The following NME7 variants were observed in gnomAD, a reference collection of about 807,000 sequenced individuals.
NME7 encodes NME/NM23 family member 7.
A neutral mutation model predicts 49.1 loss-of-function variants in NME7; 41 were observed. The observed-to-expected ratio is 0.83, with a 90% CI of 0.65 to 1.08. The LOEUF is 1.08. Among genes scored for constraint, NME7 ranks in the 50% least tolerant of loss-of-function variants. The pLI, the probability that NME7 is intolerant of heterozygous loss-of-function variation, is 0.00. For missense variants in NME7, 423 were observed against 463.4 expected (o/e 0.91, Z 0.80); for synonymous variants, 139 against 150.6 (o/e 0.92, Z 0.56).
At chr1:169,206,369 AT>A (rs748048701) in intron 10 of NME7, among the ~76,000 whole-genome samples, 3 of 152,172 alleles carry the variant, frequency 2.0e-5, no homozygotes, top group Non-Finnish European at 4.4e-5. Context: ...CTGAAAAAGA[AT>A]GGATGGCTAC....
At chr1:169,219,758 A>C (rs1661085632) in intron 10 of NME7, among the ~76,000 whole-genome samples, 1 of 152,160 alleles carries the variant, frequency 6.6e-6, no homozygotes, top group Non-Finnish European at 1.5e-5. Context: ...GAGCTTCTTA[A>C]GGGTCTCAAC....
chr1:169,240,493 T>C (rs542102430), intron 7 of NME7, among the ~76,000 whole-genome samples: 1 of 152,212 alleles, frequency 6.6e-6, no homozygotes, highest in African/African-American at 2.4e-5. Context: ...TTTCCTTTAC[T>C]TGATAAGTGG....
chr1:169,273,472 T>C (rs1223809846), intron 7 of NME7, among the ~76,000 whole-genome samples: 1 of 132,082 alleles, frequency 7.6e-6, no homozygotes, highest in Non-Finnish European at 1.8e-5. Flanking sequence ...TTTTTTTTTA[T>C]TATTATACTT....
At chr1:169,192,643 C>A (rs1170861854) in intron 10 of NME7, among the ~76,000 whole-genome samples, 1 of 152,100 alleles carries the variant, frequency 6.6e-6, no homozygotes, top group East Asian at 1.9e-4. Context: ...CCCTCCTTTG[C>A]ATAAGTTTAC....
intron 11 of NME7, among the ~76,000 whole-genome samples, chr1:169,143,145 T>C (rs1658648261): frequency 6.6e-6 from 1 of 152,134 alleles, no homozygotes; most frequent in Non-Finnish European, 1.5e-5. Context: ...ACTATAAACC[T>C]GATTATGTCA....
intron 7 of NME7, among the ~76,000 whole-genome samples, chr1:169,254,314 T>G (rs1490969466): frequency 6.6e-6 from 1 of 152,106 alleles, no homozygotes; most frequent in Non-Finnish European, 1.5e-5. Flanking sequence ...GTCGAGGAAT[T>G]TATCCATTTC....
intron 7 of NME7, among the ~76,000 whole-genome samples, chr1:169,278,790 G>T (rs377375401): frequency 2.6e-5 from 4 of 151,948 alleles, no homozygotes; most frequent in Non-Finnish European, 5.9e-5. Context: ...TTTTTCTGCT[G>T]TGTTTTTTCC....
intron 10 of NME7, among the ~76,000 whole-genome samples, chr1:169,177,946 C>G (rs1158072005): frequency 6.6e-6 from 1 of 152,076 alleles, no homozygotes; most frequent in East Asian, 1.9e-4. Context: ...ACACCATTCT[C>G]CTGCCTCAGC....
chr1:169,199,175 C>T (rs527718199), intron 10 of NME7, among the ~76,000 whole-genome samples: 3 of 152,030 alleles, frequency 2.0e-5, no homozygotes, highest in Admixed American at 2.0e-4. Context: ...TGCAGAGTAT[C>T]ATTAAATAGT....
At chr1:169,176,141 G>C (rs1659743017) in intron 10 of NME7, among the ~76,000 whole-genome samples, 1 of 152,052 alleles carries the variant, frequency 6.6e-6, no homozygotes, top group Admixed American at 6.5e-5. Flanking sequence ...TATATTCCTG[G>C]GAGATAAGCA....
Position 169,273,535 on chromosome 1 carries a change from T to C in NME7, c.754+13768A>G, listed in dbSNP as rs551465598. Among the ~76,000 whole-genome samples, 15 of 131,428 alleles carry C rather than the reference T, an allele frequency of 1.1e-4. 2 individuals carry two copies. The South Asian group carries it at 2.9e-3, about 25-fold the overall frequency. The allele number at this position is 131,428 out of a possible 152,430, so 86.2% of individuals were successfully genotyped here. A position where few individuals can be genotyped will look rare whatever the true frequency, so the allele number is the denominator to read the frequency against. On this transcript the variant is annotated intron_variant, in intron 7 of 11. Coordinates refer to ENST00000367811, the MANE Select transcript of NME7 (RefSeq NM_013330.5). ...TGCAGGTTAGTTACATATGTATACA[T>C]GTGCCATGCTGGTGTGCTGCACCCA...
At chr1:169,278,240 C>G (rs1434794463) in intron 7 of NME7, among the ~76,000 whole-genome samples, 1 of 148,712 alleles carries the variant, frequency 6.7e-6, no homozygotes, top group Admixed American at 6.7e-5. Context: ...GCCTGCCTTG[C>G]TCGTTTGGGG....
At chr1:169,306,618 C>CAT (rs1356230170) in intron 4 of NME7, among the ~76,000 whole-genome samples, 1 of 152,034 alleles carries the variant, frequency 6.6e-6, no homozygotes. Context: ...TTGACAGTTG[C>CAT]AGAGAGAAGT....
Position 169,324,035 on chromosome 1 carries a change from A to G in NME7, c.111+358T>C, listed in dbSNP as rs146647016. On this transcript the variant is annotated intron_variant, in intron 2 of 11. Coordinates refer to ENST00000367811, the MANE Select transcript of NME7 (RefSeq NM_013330.5). Reference sequence around the variant, plus strand: ...CACCCGGCTAATTTTTTGTATCTTTAGTAGAGATGGGTTTTCACCATGTTG... The same window carrying G: ...CACCCGGCTAATTTTTTGTATCTTTGGTAGAGATGGGTTTTCACCATGTTG... Among the ~76,000 whole-genome samples, 982 of 151,778 alleles carry G rather than the reference A, an allele frequency of 6.5e-3. 15 individuals are homozygous for G. Among genetic ancestry groups the G allele is most frequent in the African/African-American group, 0.022 (920 of 41,386 alleles).
chr1:169,228,628 G>C (rs1262200808), intron 10 of NME7, among the ~76,000 whole-genome samples: 3 of 143,768 alleles, frequency 2.1e-5, no homozygotes, highest in Admixed American at 7.2e-5. Flanking sequence ...AGTGAGCCGA[G>C]ATTGCGCCAC....
Position 169,132,764 on chromosome 1 carries a change from A to C in NME7, c.*21T>G. 1 of 1,609,870 alleles carries C rather than the reference A, an allele frequency of 6.2e-7. No homozygotes were observed. The highest frequency in any genetic ancestry group is 8.5e-7 in the Non-Finnish European group (1 of 1,177,062). On this transcript the variant is annotated 3_prime_UTR_variant, in exon 12 of 12. Coordinates refer to ENST00000367811, the MANE Select transcript of NME7 (RefSeq NM_013330.5). ...TCTTGTCTAAATGTCCCAACCTGTG[A>C]CTTCTTTACTTTCCACACCACTAAT...
At chr1:169,177,281 C>T (rs1390599331) in intron 10 of NME7, among the ~76,000 whole-genome samples, 2 of 152,082 alleles carry the variant, frequency 1.3e-5, no homozygotes, top group Non-Finnish European at 2.9e-5. Context: ...CTGTATCAGT[C>T]GGCTTCTATA....
intron 7 of NME7, among the ~76,000 whole-genome samples, chr1:169,244,511 C>T (rs1484823444): frequency 1.3e-5 from 2 of 151,318 alleles, no homozygotes; most frequent in East Asian, 2.0e-4. Flanking sequence ...TGGTGGGTGC[C>T]AGTAGTCCCA....
At chr1:169,335,679 A>C (rs1209074297) in intron 1 of NME7, among the ~76,000 whole-genome samples, 2 of 147,700 alleles carry the variant, frequency 1.4e-5, no homozygotes, top group East Asian at 3.9e-4. Flanking sequence ...TTTTAGAAGA[A>C]ATATATATAA....
Sources: gnomAD v4.1 joint callset for allele counts (sites outside exome capture counted in the v4.1 genomes callset) on GRCh38, gnomAD v4.1.1 for gene constraint, MANE v1.5 for transcripts, NCBI Gene and HGNC (gene_info 2026-07-23, HGNC 2026-07-21) for gene names.